GRHL2: variants seen among roughly 807,000 people sequenced by gnomAD.
GRHL2 encodes the protein grainyhead-like protein 2 homolog.
GRHL2 carries 21 observed loss-of-function variants against 83.8 expected under a neutral mutation model. The observed-to-expected ratio is 0.25, with a 90% CI of 0.18 to 0.36. The LOEUF (loss-of-function observed/expected upper bound fraction) is 0.36, where lower values mean the gene tolerates loss of function less well. GRHL2 is among the 10% of genes least tolerant of loss of function. GRHL2 has a pLI of 1.00. For missense variants in GRHL2, 623 were observed against 781.8 expected, an observed-to-expected ratio of 0.80 and a Z score of 2.42; for synonymous variants, 280 against 278.9, an observed-to-expected ratio of 1.00 and a Z score of -0.04.
intron 1 of GRHL2, among the ~76,000 whole-genome samples, chr8:101,498,532 G>A (rs560377912): frequency 3.9e-5 from 6 of 152,274 alleles, no homozygotes; most frequent in African/African-American, 1.4e-4. Flanking sequence ...GATTTGATAG[G>A]ATGATGATTG....
At chr8:101,536,349 G>C (rs553241723) in intron 1 of GRHL2, among the ~76,000 whole-genome samples, 1 of 152,310 alleles carries the variant, frequency 6.6e-6, no homozygotes, top group Non-Finnish European at 1.5e-5. Context: ...GGCATGAAGA[G>C]ATAAGACTGG....
Position 101,552,711 on chromosome 8 carries a change from C to T in GRHL2, c.217-4C>T. ...GTCTGACTGATGGTTGGTGATGTTT[C>T]CAGGTTCCTCGAGACAAGAGGCTGC... On this transcript the variant is annotated splice_polypyrimidine_tract_variant and splice_region_variant and intron_variant, in intron 2 of 15. Transcript: ENST00000646743. The T allele has an allele frequency of 6.2e-7, 1 of 1,613,948 alleles. No individual in the cohort carries two copies. The highest frequency in any genetic ancestry group is 8.5e-7 in the Non-Finnish European group (1 of 1,179,908).
intron 13 of GRHL2, among the ~76,000 whole-genome samples, chr8:101,648,044 C>T (rs1297145332): frequency 6.6e-6 from 1 of 152,128 alleles, no homozygotes; most frequent in African/African-American, 2.4e-5. Flanking sequence ...CATGGAGCTT[C>T]AGCCTTAACC....
intron 9 of GRHL2, among the ~76,000 whole-genome samples, chr8:101,625,903 A>C (rs887826944): frequency 1.7e-4 from 26 of 152,104 alleles, no homozygotes; most frequent in African/African-American, 6.0e-4. Flanking sequence ...CGGGGATGTC[A>C]GGAAAATCAT....
intron 7 of GRHL2, among the ~76,000 whole-genome samples, chr8:101,587,831 C>T (rs1171186579): frequency 1.3e-5 from 2 of 152,214 alleles, no homozygotes; most frequent in East Asian, 1.9e-4. Flanking sequence ...CAGCCACCCT[C>T]TAGCATTTGC....
chr8:101,517,500 A>C (rs1179480547), intron 1 of GRHL2, among the ~76,000 whole-genome samples: 1 of 152,148 alleles, frequency 6.6e-6, no homozygotes, highest in Non-Finnish European at 1.5e-5. Flanking sequence ...CTGTGCTGTC[A>C]GTCTAGTGGA....
At position 101,654,287 on chromosome 8, in the gene GRHL2, G is replaced by T. The variant is rs548268910; in HGVS notation, c.1698+4788G>T. Among the ~76,000 whole-genome samples the T allele has an allele frequency of 4.6e-4, 70 of 152,274 alleles. 1 individual carries two copies. In the South Asian group the frequency reaches 0.015, roughly 32 times the overall value. On this transcript the variant is annotated intron_variant, in intron 14 of 15. Transcript: ENST00000646743. The stretch of plus-strand genomic sequence containing the variant: ...TTCACATTGTTTTGCTCTCATCCTG[G>T]ACTAATTATTGAAAGGTTGATTGTG...
rs1002758844 is a variant in GRHL2, at chr8:101,662,140, G to C, written c.1699-2314G>C. Among the ~76,000 whole-genome samples, 10 of 152,312 alleles carry C rather than the reference G, an allele frequency of 6.6e-5. No individual in the cohort carries two copies. The East Asian group carries it at 1.5e-3, about 23-fold the overall frequency. On this transcript the variant is annotated intron_variant, in intron 14 of 15. Coordinates refer to ENST00000646743, the MANE Select transcript of GRHL2 (RefSeq NM_024915.4). ...CATGCGTGTGCTCCACAAGTCTTCT[G>C]TTTTTCTTAAGTGCTCTTTTATGTT...
At chr8:101,531,930 GT>G (rs1810937677) in intron 1 of GRHL2, among the ~76,000 whole-genome samples, 1 of 152,120 alleles carries the variant, frequency 6.6e-6, no homozygotes, top group South Asian at 2.1e-4. Context: ...TTGTTTTACA[GT>G]TTATTGTTTT....
intron 11 of GRHL2, among the ~76,000 whole-genome samples, chr8:101,633,502 T>C (rs1453174265): frequency 6.6e-6 from 1 of 152,248 alleles, no homozygotes; most frequent in East Asian, 1.9e-4. Context: ...TAGTATTCTG[T>C]GTTCTTTTAT....
chr8:101,568,788 A>G (rs1257705066), intron 4 of GRHL2, among the ~76,000 whole-genome samples: 1 of 152,184 alleles, frequency 6.6e-6, no homozygotes, highest in East Asian at 1.9e-4. Flanking sequence ...ATTCTCTGTC[A>G]TGATTATTTA....
the GRHL2 span, among the ~76,000 whole-genome samples, chr8:101,677,609 T>A: frequency 1.3e-5 from 2 of 152,130 alleles, no homozygotes; most frequent in Non-Finnish European, 2.9e-5. Flanking sequence ...GGTGAGTATT[T>A]AATAAGAGTT....
chr8:101,514,855 TCTC>T (rs1226453471), intron 1 of GRHL2, among the ~76,000 whole-genome samples: 2 of 151,826 alleles, frequency 1.3e-5, no homozygotes, highest in Middle Eastern at 3.2e-3. Context: ...CACTTTTCTC[TCTC>T]CTCCTCTTCT....
chr8:101,636,724 T>TACAC lies in GRHL2; in HGVS notation c.1486-134_1486-131dup, dbSNP rs3029438. ...ACTTAAATATGCATTTCCTTAGAAATACACACACACACACACACACACACA... is the reference window on the plus strand; with the variant it reads ...ACTTAAATATGCATTTCCTTAGAAATACACACACACACACACACACACACACACA... On this transcript the variant is annotated intron_variant, in intron 11 of 15. Transcript: ENST00000646743. The TACAC allele has an allele frequency of 0.21, 100,956 of 478,590 alleles. 4,846 individuals carry two copies. Among genetic ancestry groups the TACAC allele is most frequent in the Admixed American group, 0.27 (8,626 of 31,542 alleles). The allele number at this position is 478,590 out of a possible 1,614,324, so 29.6% of individuals were successfully genotyped here. A position where few individuals can be genotyped will look rare whatever the true frequency, so the allele number is the denominator to read the frequency against.
intron 1 of GRHL2, among the ~76,000 whole-genome samples, chr8:101,542,298 A>G (rs1456286250): frequency 1.3e-5 from 2 of 152,210 alleles, no homozygotes; most frequent in African/African-American, 2.4e-5. Flanking sequence ...TAATTAGGCC[A>G]GGCGTGGTGG....
At position 101,609,439 on chromosome 8, in the gene GRHL2, C is replaced by G. The variant is rs942677520; in HGVS notation, c.1099-10100C>G. 4.0e-5 allele frequency among the ~76,000 whole-genome samples: 6 copies of G among 150,982 alleles called. 1 individual carries two copies. Among genetic ancestry groups the G allele is most frequent in the African/African-American group, 1.2e-4 (5 of 40,346 alleles). ...GCCAGGCCTCCTGGCGATTCTGATG[C>G]ACGCTAAATTAGGAAACGCCTGATA... On this transcript the variant is annotated intron_variant, in intron 8 of 15. Coordinates refer to ENST00000646743, the MANE Select transcript of GRHL2 (RefSeq NM_024915.4).
rs929934523 is a variant in GRHL2, at chr8:101,629,505, T to C, written c.1258-2132T>C. Among the ~76,000 whole-genome samples the C allele has an allele frequency of 2.0e-5, 3 of 152,234 alleles. No individual in the cohort carries two copies. The East Asian group carries it at 5.8e-4, about 29-fold the overall frequency. On this transcript the variant is annotated intron_variant, in intron 9 of 15. Coordinates refer to ENST00000646743, the MANE Select transcript of GRHL2 (RefSeq NM_024915.4). ...CTGAACCCACAGTACCTCTGAGGTA[T>C]GCTTGTATATAAATCTTGAAACAGA... is the stretch of plus-strand genomic sequence containing the variant.
intron 2 of GRHL2, among the ~76,000 whole-genome samples, chr8:101,552,075 T>A (rs1318405676): frequency 6.6e-6 from 1 of 152,054 alleles, no homozygotes; most frequent in Non-Finnish European, 1.5e-5. Flanking sequence ...GACCTCGTGA[T>A]CCGCCCGCCT....
At chr8:101,643,907 G>C (rs1319330444) in intron 12 of GRHL2, among the ~76,000 whole-genome samples, 1 of 152,238 alleles carries the variant, frequency 6.6e-6, no homozygotes, top group Non-Finnish European at 1.5e-5. Context: ...TTCCGCAGTG[G>C]GAAGCACGTG....
Sources: allele counts gnomAD v4.1 joint callset (sites outside exome capture counted in the v4.1 genomes callset), GRCh38; gene constraint gnomAD v4.1.1; transcripts MANE v1.5; gene names NCBI Gene and HGNC (gene_info 2026-07-23, HGNC 2026-07-21).